The following CATSPERB variants were observed in gnomAD, a reference collection of about 807,000 sequenced individuals.
CATSPERB encodes the protein catsper channel auxiliary subunit beta.
CATSPERB carries 93 observed loss-of-function variants against 128.3 expected under a neutral mutation model. The observed-to-expected ratio is 0.72, with a 90% CI of 0.61 to 0.86. The LOEUF (loss-of-function observed/expected upper bound fraction) is 0.86, where lower values mean the gene tolerates loss of function less well. CATSPERB is among the 40% of genes least tolerant of loss of function. The pLI is 0.00. For missense variants in CATSPERB, 1,153 were observed against 1,329.5 expected (o/e 0.87, Z 2.06); for synonymous variants, 381 against 448.8 (o/e 0.85, Z 1.91).
rs950518594 is a variant in CATSPERB, at chr14:91,615,137, T to G, written c.2400+2460A>C. ...TGAGGACCAGTACCAGTCTGTGGAC[T>G]GTTAGGAACCTGGCCTTACAGCAGG... is the stretch of plus-strand genomic sequence containing the variant. On this transcript the variant is annotated intron_variant, in intron 20 of 26. Transcript: ENST00000256343. Among the ~76,000 whole-genome samples, 5 of 152,296 alleles carry G rather than the reference T, an allele frequency of 3.3e-5. No homozygotes were observed. In the South Asian group the frequency reaches 6.2e-4, roughly 19 times the overall value.
chr14:91,624,204 G>A (rs769377396), intron 18 of CATSPERB, among the ~76,000 whole-genome samples: 19 of 152,266 alleles, frequency 1.2e-4, no homozygotes, highest in South Asian at 1.0e-3. Flanking sequence ...AAATTAGGCC[G>A]GGTGCAGTGG....
chr14:91,668,715 G>A (rs8016137), intron 14 of CATSPERB, among the ~76,000 whole-genome samples: 58,781 of 151,918 alleles, frequency 0.39, 11,538 homozygotes, highest in Middle Eastern at 0.5. Flanking sequence ...CAAACCCACC[G>A]GGAGGAACAA....
At chr14:91,648,988 CTT>C (rs35103012) in intron 15 of CATSPERB, among the ~76,000 whole-genome samples, 5,859 of 144,620 alleles carry the variant, frequency 0.041, 283 homozygotes, top group African/African-American at 0.11. Context: ...ACCTATCTTG[CTT>C]TTTTTTTTTT....
chr14:91,636,139 A>C (rs935349850), intron 17 of CATSPERB: 1 of 273,018 alleles, frequency 3.7e-6, no homozygotes, highest in Non-Finnish European at 6.8e-6. Context: ...GAGGTGGGTG[A>C]ATCCCTTGAG....
chr14:91,704,659 C>T lies in CATSPERB; in HGVS notation c.509G>A (p.Ser170Asn). ...QWTPGDVIPE[S>N]EISKLYPHVV... is the part of the protein sequence containing the mutation. ...ATGTGGATATAATTTACTGATTTCA[C>T]TTTCTGGAATCACATCCCCAGGAGT... The change falls in exon 7 of 27, where the codon AGT becomes AAT. Residue 170 changes from serine to asparagine, a missense_variant. By Grantham distance (46) the Ser-to-Asn change is conservative. Coordinates refer to ENST00000256343, the MANE Select transcript of CATSPERB (RefSeq NM_024764.4). 1 of 1,613,854 alleles carries T rather than the reference C, an allele frequency of 6.2e-7. No individual in the cohort carries two copies. Among genetic ancestry groups the T allele is most frequent in the Non-Finnish European group, 8.5e-7 (1 of 1,179,824 alleles).
intron 5 of CATSPERB, among the ~76,000 whole-genome samples, chr14:91,712,971 A>G (rs1044618929): frequency 6.6e-6 from 1 of 152,288 alleles, no homozygotes; most frequent in East Asian, 1.9e-4. Flanking sequence ...TTCCTCATCA[A>G]TATTATAATG....
chr14:91,612,913 G>C (rs753255757), intron 20 of CATSPERB, among the ~76,000 whole-genome samples: 1 of 151,984 alleles, frequency 6.6e-6, no homozygotes, highest in Non-Finnish European at 1.5e-5. Flanking sequence ...CAATGGCAGG[G>C]GAAGAAAATG....
chr14:91,592,114 G>A lies in CATSPERB; in HGVS notation c.2710-112C>T. 4.1e-6 allele frequency: 3 copies of A among 730,726 alleles called. No individual in the cohort carries two copies. The Admixed American group carries it at 7.1e-5, about 17-fold the overall frequency. The allele number at this position is 730,726 out of a possible 1,614,324, so 45.3% of individuals were successfully genotyped here. On this transcript the variant is annotated intron_variant, in intron 22 of 26. Coordinates refer to ENST00000256343, the MANE Select transcript of CATSPERB (RefSeq NM_024764.4). ...CCTGAAGAAGTGGAATTCCTGAGAAGTTAAAAGGGGAAAGCAATTCATTAA... is the reference window on the plus strand; with the variant it reads ...CCTGAAGAAGTGGAATTCCTGAGAAATTAAAAGGGGAAAGCAATTCATTAA...
chr14:91,589,762 G>T, intron 23 of CATSPERB, 93 bp from the exon 24 acceptor site: 1 of 1,211,392 alleles, frequency 8.3e-7, no homozygotes, highest in African/African-American at 1.5e-5. Flanking sequence ...ATTGCCAATA[G>T]TTTGGCTGTT....
At chr14:91,581,519 G>C (rs183860948) in intron 26 of CATSPERB, among the ~76,000 whole-genome samples, 533 of 152,340 alleles carry the variant, frequency 3.5e-3, no homozygotes, top group Non-Finnish European at 6.0e-3. Flanking sequence ...CAGAAGAGAA[G>C]GAGATAAAGG....
At chr14:91,610,096 C>T (rs1251255287) in intron 21 of CATSPERB, among the ~76,000 whole-genome samples, 1 of 151,990 alleles carries the variant, frequency 6.6e-6, no homozygotes, top group Non-Finnish European at 1.5e-5. Flanking sequence ...AAAAGAAGTC[C>T]AATATATTTC....
chr14:91,629,790 TACTATTGC>T (rs1189209289), intron 17 of CATSPERB, among the ~76,000 whole-genome samples: 1 of 152,196 alleles, frequency 6.6e-6, no homozygotes, highest in Admixed American at 6.5e-5. Context: ...CACTTCTTCC[TACTATTGC>T]ACATGGGGGG....
At chr14:91,641,361 T>A (rs1009846592) in intron 15 of CATSPERB, among the ~76,000 whole-genome samples, 1 of 141,292 alleles carries the variant, frequency 7.1e-6, no homozygotes, top group African/African-American at 2.7e-5. Flanking sequence ...AGGGTTTTTA[T>A]GGTTTTAGGT....
At chr14:91,720,017 C>T (rs1225786390) in intron 4 of CATSPERB, among the ~76,000 whole-genome samples, 1 of 152,130 alleles carries the variant, frequency 6.6e-6, no homozygotes, top group Non-Finnish European at 1.5e-5. Flanking sequence ...ATTTCAGCTG[C>T]CAAAACCACA....
intron 7 of CATSPERB, among the ~76,000 whole-genome samples, chr14:91,702,217 C>T (rs184145694): frequency 1.1e-4 from 17 of 151,654 alleles, no homozygotes; most frequent in Admixed American, 7.2e-4. Context: ...TGGATAAAGA[C>T]GAGGAGGAGG....
At chr14:91,636,292 G>C in intron 17 of CATSPERB, 133 bp downstream of exon 17, 1 of 750,736 alleles carries the variant, frequency 1.3e-6, no homozygotes, top group Admixed American at 2.3e-5. Flanking sequence ...GAGCCTGGGA[G>C]ATTGAGGCTG....
Position 91,672,948 on chromosome 14 carries a change from T to C in CATSPERB, c.1047A>G (p.Lys349=). ...GCACAGTTGGAAAAATTTTTATTCC[T>C]TTAAAAATGTGAGGTAAGCAGGGTA... ...EWVPCLPHIF[K]GIKIFPTVLT... is the part of the protein sequence containing the mutation. The change falls in exon 13 of 27, where the codon AAA becomes AAG. Residue 349 remains lysine (K), a synonymous_variant. Coordinates refer to ENST00000256343, the MANE Select transcript of CATSPERB (RefSeq NM_024764.4). 1 of 1,604,130 alleles carries C rather than the reference T, an allele frequency of 6.2e-7. No individual in the cohort carries two copies. The highest frequency in any genetic ancestry group is 1.3e-5 in the African/African-American group (1 of 74,358).
intron 17 of CATSPERB, among the ~76,000 whole-genome samples, chr14:91,631,654 A>C (rs1894279925): frequency 6.6e-6 from 1 of 152,094 alleles, no homozygotes; most frequent in Non-Finnish European, 1.5e-5. Flanking sequence ...AACAAGAACA[A>C]AACTCCATCT....
chr14:91,685,212 C>A (rs1895352308), intron 10 of CATSPERB, among the ~76,000 whole-genome samples: 1 of 152,180 alleles, frequency 6.6e-6, no homozygotes, highest in African/African-American at 2.4e-5. Context: ...TAGGCATGAG[C>A]CACTATGACT....
Sources: allele counts gnomAD v4.1 joint callset (sites outside exome capture counted in the v4.1 genomes callset), GRCh38; gene constraint gnomAD v4.1.1; transcripts MANE v1.5; gene names NCBI Gene and HGNC (gene_info 2026-07-23, HGNC 2026-07-21).